The following PLD2 variants were observed in gnomAD, a reference collection of about 807,000 sequenced individuals.
PLD2 encodes choline phosphatase 2.
In PLD2, 101 loss-of-function variants were observed where a neutral mutation model predicts 119.8. That is an observed-to-expected ratio of 0.84 (90% CI 0.72 to 0.99). PLD2 has a LOEUF of 0.99. Among genes scored for constraint, PLD2 ranks in the 50% least tolerant of loss-of-function variants. The probability of loss-of-function intolerance (pLI) is 0.00; values close to 1 mark genes in which losing one functional copy is unlikely to be tolerated. For synonymous variants in PLD2, 494 were observed against 482.8 expected, an observed-to-expected ratio of 1.02 and a Z score of -0.30; for missense variants, 1,164 against 1,226.8, an observed-to-expected ratio of 0.95 and a Z score of 0.76.
chr17:4,820,828 C>T (rs556747277), intron 23 of PLD2, among the ~76,000 whole-genome samples: 4 of 134,896 alleles, frequency 3.0e-5, no homozygotes, highest in South Asian at 4.9e-4. Context: ...TGCCCGCCTC[C>T]GCCTCCCAAA....
chr17:4,821,928 G>T (rs373803829), intron 24 of PLD2, 21 bp downstream of exon 24: 15 of 1,509,200 alleles, frequency 9.9e-6, no homozygotes, highest in Non-Finnish European at 1.2e-5. Context: ...GGGAGGGGTG[G>T]GGGAGAGTGG....
In PLD2 at chr17:4,807,725, G is replaced by A. The variant is rs747242537; in HGVS notation, c.-1-47G>A. ...CCTGCGGGAGTTAGGATGGGGGGCGGGTTCTGCAGGACAGCTCGCCTCCCT... is the reference window on the plus strand; with the variant it reads ...CCTGCGGGAGTTAGGATGGGGGGCGAGTTCTGCAGGACAGCTCGCCTCCCT... On this transcript the variant is annotated intron_variant, in intron 1 of 24. Transcript: ENST00000263088. The surrounding 1 kb of genome is among the most constrained non-coding windows in gnomAD (Gnocchi z 5.4). 1 of 1,051,238 alleles carries A rather than the reference G, an allele frequency of 9.5e-7. No individual in the cohort carries two copies. The highest frequency in any genetic ancestry group is 1.4e-6 in the Non-Finnish European group (1 of 691,162). 65.1% of individuals were successfully genotyped at this position (1,051,238 alleles called of 1,614,324 possible).
chr17:4,817,098 C>A, intron 16 of PLD2, 43 bp downstream of exon 16: 2 of 1,602,706 alleles, frequency 1.2e-6, no homozygotes, highest in Non-Finnish European at 8.6e-7. Context: ...GGGAGGGAGC[C>A]AGGGCAGATT....
In PLD2 at chr17:4,808,999, C is replaced by T. The variant is rs1228356965; in HGVS notation, c.384-101C>T. ...GTGAGCCACCACGCCTGGCCACCTC[C>T]AGGCCTCTTCTTTTCCTCCGAGCCC... is the stretch of plus-strand genomic sequence containing the variant. On this transcript the variant is annotated intron_variant, in intron 4 of 24. Transcript: ENST00000263088. This position sits in a 1 kb window ranked among gnomAD's most constrained non-coding sequence, Gnocchi z 4.1. The T allele has an allele frequency of 2.6e-5, 24 of 920,530 alleles. No homozygotes were observed. The highest frequency in any genetic ancestry group is 4.0e-5 in the Non-Finnish European group (23 of 571,802). The allele number at this position is 920,530 out of a possible 1,614,324, so 57.0% of individuals were successfully genotyped here.
At position 4,818,081 on chromosome 17, in the gene PLD2, A is replaced by C. The variant is rs17854914; in HGVS notation, c.1895A>C (p.Glu632Ala). The C allele has an allele frequency of 3.1e-6, 5 of 1,613,436 alleles. No individual in the cohort carries two copies. The highest frequency in any genetic ancestry group is 4.2e-6 in the Non-Finnish European group (5 of 1,179,486). Reference sequence around the variant, plus strand: ...AATGCCTACCTGCACACCATCAGGGAGAGCCAGCACTTCCTCTACATTGAG... The same window carrying C: ...AATGCCTACCTGCACACCATCAGGGCGAGCCAGCACTTCCTCTACATTGAG... Reference protein sequence around the residue: ...ILNAYLHTIRESQHFLYIENQ... With the variant: ...ILNAYLHTIRASQHFLYIENQ... Residue 632 changes from glutamate (E) to alanine (A), a missense_variant, in exon 18 of 25, where the codon GAG becomes GCG. Physicochemically the swap from Glu to Ala is moderately radical, Grantham distance 107 (BLOSUM62 -1). Coordinates refer to ENST00000263088, the MANE Select transcript of PLD2 (RefSeq NM_002663.5).
In PLD2 at chr17:4,809,673, TTCCTGATTG is replaced by T. The variant is rs781636770; in HGVS notation, c.615-14_615-6del. On this transcript the variant is annotated splice_polypyrimidine_tract_variant and intron_variant, in intron 7 of 24. Coordinates refer to ENST00000263088, the MANE Select transcript of PLD2 (RefSeq NM_002663.5). ...GTCTGGAGTCCTCATCCCGCCTCTCTTCCTGATTGTCCCACAGGGAGGGGATGATCCGGA... is the reference window on the plus strand; with the variant it reads ...GTCTGGAGTCCTCATCCCGCCTCTCTTCCCACAGGGAGGGGATGATCCGGA... 44 of 1,613,834 alleles carry T rather than the reference TTCCTGATTG, an allele frequency of 2.7e-5. 1 individual carries two copies. Among genetic ancestry groups the T allele is most frequent in the Non-Finnish European group, 3.6e-5 (43 of 1,179,826 alleles).
chr17:4,820,164 G>C (rs190662043), intron 23 of PLD2, among the ~76,000 whole-genome samples: 1 of 151,378 alleles, frequency 6.6e-6, no homozygotes, highest in Admixed American at 6.6e-5. Flanking sequence ...GGCTGGTCTC[G>C]AACTCCCGAC....
chr17:4,814,498 G>T lies in PLD2; in HGVS notation c.1091G>T (p.Trp364Leu), dbSNP rs200410286. The T allele has an allele frequency of 3.1e-6, 5 of 1,613,224 alleles. No individual in the cohort carries two copies. The highest frequency in any genetic ancestry group is 3.4e-6 in the Non-Finnish European group (4 of 1,179,688). ...CAAGAGGAGATTTTCATCACAGACTGGTGGTGAGTGGGAAAAGGCCCCAAC... is the reference window on the plus strand; with the variant it reads ...CAAGAGGAGATTTTCATCACAGACTTGTGGTGAGTGGGAAAAGGCCCCAAC... Reference protein sequence around the residue: ...RAQEEIFITDWWLSPEVYLKR... With the variant: ...RAQEEIFITDLWLSPEVYLKR... Residue 364 changes from tryptophan to leucine, a missense_variant, in exon 11 of 25, where the codon TGG becomes TTG. Physicochemically the swap from Trp to Leu is moderately conservative, Grantham distance 61. Transcript: ENST00000263088.
chr17:4,809,033 G>T, intron 4 of PLD2, 67 bp from the exon 5 acceptor site: 1 of 1,232,372 alleles, frequency 8.1e-7, no homozygotes, highest in Non-Finnish European at 1.2e-6. Context: ...CCCATCTCCA[G>T]TGTTTTCAGG....
In PLD2 at chr17:4,822,737, C is replaced by T. The variant is rs1907812940; in HGVS notation, c.2675C>T (p.Ala892Val). 6.2e-7 allele frequency: 1 copy of T among 1,613,968 alleles called. No individual in the cohort carries two copies. ...TTGGCCACGGTCAGTCCCCCCTTGG[C>T]TCGGTCTGAGCTCACCCAGGTCCAG... ...EPLATVSPPL[A>V]RSELTQVQGH... is the part of the protein sequence containing the mutation. The change falls in exon 25 of 25, where the codon GCT (alanine) becomes GTT (valine). Residue 892 changes from alanine to valine, a missense_variant. Transcript: ENST00000263088.
At chr17:4,818,467 G>A (rs2302324) in intron 19 of PLD2, 27 bp from the exon 20 acceptor site, 209 of 1,599,502 alleles carry the variant, frequency 1.3e-4, no homozygotes, top group East Asian at 2.0e-4. Context: ...GGGACCAGTC[G>A]CACCTCTGAC....
chr17:4,808,518 GC>G lies in PLD2; in HGVS notation c.383+104del. 8.6e-7 allele frequency: 1 copy of G among 1,165,210 alleles called. No individual in the cohort carries two copies. 72.2% of individuals were successfully genotyped at this position (1,165,210 alleles called of 1,614,324 possible). ...ACAACCTTTCCTCCCTGCAACTCTG[GC>G]CACTGTGCTGCCTCCCCTGACCCCA... On this transcript the variant is annotated intron_variant, in intron 4 of 24. Coordinates refer to ENST00000263088, the MANE Select transcript of PLD2 (RefSeq NM_002663.5). The surrounding 1 kb of genome is among the most constrained non-coding windows in gnomAD (Gnocchi z 4.1).
At chr17:4,814,036 G>T in intron 10 of PLD2, 2 of 195,502 alleles carry the variant, frequency 1.0e-5, no homozygotes, top group Non-Finnish European at 2.1e-5. Flanking sequence ...TTTTAATTTC[G>T]TTGTTTACTA....
rs1362607021 is a variant in PLD2, at chr17:4,808,971, G to A, written c.384-129G>A. 1.4e-6 allele frequency: 1 copy of A among 711,974 alleles called. No individual in the cohort carries two copies. The highest frequency in any genetic ancestry group is 1.8e-5 in the African/African-American group (1 of 56,592). 44.1% of individuals were successfully genotyped at this position (711,974 alleles called of 1,614,324 possible). A position where few individuals can be genotyped will look rare whatever the true frequency, so the allele number is the denominator to read the frequency against. On this transcript the variant is annotated intron_variant, in intron 4 of 24. Coordinates refer to ENST00000263088, the MANE Select transcript of PLD2 (RefSeq NM_002663.5). The surrounding 1 kb of genome is among the most constrained non-coding windows in gnomAD (Gnocchi z 4.1). ...GGCCTCCCCAAGTGCTGGGATTCCAGGCGTGAGCCACCACGCCTGGCCACC... is the reference window on the plus strand; with the variant it reads ...GGCCTCCCCAAGTGCTGGGATTCCAAGCGTGAGCCACCACGCCTGGCCACC...
chr17:4,817,044 A>G lies in PLD2; in HGVS notation c.1690A>G (p.Asn564Asp). 1 of 1,613,624 alleles carries G rather than the reference A, an allele frequency of 6.2e-7. No individual in the cohort carries two copies. The highest frequency in any genetic ancestry group is 8.5e-7 in the Non-Finnish European group (1 of 1,179,676). ...DLARHFIQRW[N>D]FTKTTKAKYK... ...TGCCCGGCACTTCATCCAGCGCTGG[A>G]ACTTCACCAAGGTGTTCATTCCCTC... The change falls in exon 16 of 25, where the codon AAC becomes GAC. Residue 564 changes from asparagine to aspartate, a missense_variant. Physicochemically the swap from Asn to Asp is conservative, Grantham distance 23 (BLOSUM62 1). Transcript: ENST00000263088.
intron 17 of PLD2, among the ~76,000 whole-genome samples, chr17:4,817,550 T>G (rs1208588235): frequency 6.6e-6 from 1 of 151,036 alleles, no homozygotes; most frequent in Non-Finnish European, 1.5e-5. Context: ...TAGTCCCAGC[T>G]ACTAGGGAGG....
At chr17:4,816,900 C>T in intron 15 of PLD2, 37 bp from the exon 16 acceptor site, 1 of 1,588,726 alleles carries the variant, frequency 6.3e-7, no homozygotes, top group Non-Finnish European at 8.6e-7. Flanking sequence ...AGGAGTCCAG[C>T]CCTGACATCT....
At chr17:4,812,339 G>A (rs944562565) in intron 10 of PLD2, among the ~76,000 whole-genome samples, 3 of 141,102 alleles carry the variant, frequency 2.1e-5, no homozygotes, top group African/African-American at 8.1e-5. Flanking sequence ...TCTGTCACCA[G>A]GCTGGAGTGC....
chr17:4,818,562 C>T lies in PLD2; in HGVS notation c.2078C>T (p.Thr693Met), dbSNP rs116011301. 58 of 1,613,970 alleles carry T rather than the reference C, an allele frequency of 3.6e-5. No homozygotes were observed. The highest frequency in any genetic ancestry group is 3.3e-4 in the Middle Eastern group (2 of 6,062). The change falls in exon 20 of 25, where the codon ACG becomes ATG. Residue 693 changes from threonine (T) to methionine (M), a missense_variant. Physicochemically the swap from Thr to Met is moderately conservative, Grantham distance 81. Coordinates refer to ENST00000263088, the MANE Select transcript of PLD2 (RefSeq NM_002663.5). ...LLPGFEGDIS[T>M]GGGNSIQAIL... The stretch of plus-strand genomic sequence containing the variant: ...CCTGGCTTCGAGGGTGACATCTCCA[C>T]GGGCGGTGGCAACTCCATCCAGGCC...
Sources: gnomAD v4.1 joint callset for allele counts (sites outside exome capture counted in the v4.1 genomes callset) on GRCh38, gnomAD v4.1.1 for gene constraint, Gnocchi (gnomAD v3.1) non-coding constraint, MANE v1.5 for transcripts, NCBI Gene and HGNC (gene_info 2026-07-23, HGNC 2026-07-21) for gene names.